The following CD300LG variants were observed in gnomAD, a reference collection of about 807,000 sequenced individuals.
The protein encoded by CD300LG is CD300 molecule like family member g, also known as CMRF35-like molecule 9.
CD300LG carries 29 observed loss-of-function variants against 31.5 expected under a neutral mutation model. That is an observed-to-expected ratio of 0.92 (90% confidence interval 0.68 to 1.25). The LOEUF is 1.25. Ranked by LOEUF, CD300LG falls within the 50% of genes most tolerant of loss-of-function variation. The pLI, the probability that CD300LG is intolerant of heterozygous loss-of-function variation, is 0.00. For missense variants in CD300LG, 396 were observed against 417.6 expected (o/e 0.95, Z 0.45); for synonymous variants, 175 against 177.2 (o/e 0.99, Z 0.10).
rs1660309869 is a variant in CD300LG at position 43,862,073 on chromosome 17, C to A, written c.*162C>A. ...TCTCCTCTTGCATGTTCCAGCCTGACCTAGAAGCGTTTGTCAGCCCTGGAG... is the reference window on the plus strand; with the variant it reads ...TCTCCTCTTGCATGTTCCAGCCTGAACTAGAAGCGTTTGTCAGCCCTGGAG... On this transcript the variant is annotated 3_prime_UTR_variant, in exon 7 of 7. Transcript: ENST00000317310. 7.7e-6 allele frequency: 4 copies of A among 518,912 alleles called. No homozygotes were observed. Among genetic ancestry groups the A allele is most frequent in the Non-Finnish European group, 1.3e-5 (4 of 297,152 alleles). 32.1% of individuals were successfully genotyped at this position (518,912 alleles called of 1,614,324 possible).
chr17:43,850,357 A>G (rs1039308422), intron 2 of CD300LG, among the ~76,000 whole-genome samples: 1 of 152,248 alleles, frequency 6.6e-6, no homozygotes, highest in Non-Finnish European at 1.5e-5. Flanking sequence ...CCAGCACACC[A>G]TTGAGTATGG....
At chr17:43,851,464 G>T (rs1041985706) in intron 2 of CD300LG, among the ~76,000 whole-genome samples, 1 of 152,016 alleles carries the variant, frequency 6.6e-6, no homozygotes, top group Non-Finnish European at 1.5e-5. Flanking sequence ...TTGGATAGGG[G>T]ATACTCAATC....
intron 2 of CD300LG, among the ~76,000 whole-genome samples, chr17:43,852,307 C>T (rs147755910): frequency 8.2e-4 from 124 of 152,116 alleles, no homozygotes; most frequent in African/African-American, 2.8e-3. Context: ...CTCTCCCTCC[C>T]GGGTTCAAGC....
chr17:43,861,166 T>A (rs963190564), intron 6 of CD300LG: 2 of 985,242 alleles, frequency 2.0e-6, no homozygotes, highest in Non-Finnish European at 2.4e-6. Context: ...CAGAGGACGC[T>A]GTGATCAACC....
At position 43,853,386 on chromosome 17, in the gene CD300LG, C is replaced by T. The variant is rs753535928; in HGVS notation, c.481+373C>T. On this transcript the variant is annotated intron_variant, in intron 3 of 6. Coordinates refer to ENST00000317310, the MANE Select transcript of CD300LG (RefSeq NM_145273.4). ...AGGAAGTCAAGGCCTTACTGAGGCA[C>T]GGGTGGTTGGGGAGGGGGCACATGG... 3.9e-5 allele frequency among the ~76,000 whole-genome samples: 6 copies of T among 151,920 alleles called. No homozygotes were observed. The East Asian group carries it at 9.7e-4, about 24-fold the overall frequency.
At chr17:43,847,368 CTCAG>C in intron 1 of CD300LG, 109 bp downstream of exon 1, 1 of 1,154,604 alleles carries the variant, frequency 8.7e-7, no homozygotes, top group Non-Finnish European at 1.2e-6. Context: ...CCTCAGCCTC[CTCAG>C]CCCTAGGGGA....
chr17:43,849,226 G>A (rs2046279446), intron 2 of CD300LG: 6 of 462,220 alleles, frequency 1.3e-5, no homozygotes. Flanking sequence ...ACATATCAGG[G>A]GATAAAGAAG....
chr17:43,851,140 A>G (rs975248467), intron 2 of CD300LG, among the ~76,000 whole-genome samples: 2 of 150,104 alleles, frequency 1.3e-5, no homozygotes, highest in African/African-American at 4.9e-5. Flanking sequence ...TCTCAAAAAA[A>G]AAAAAAAAAA....
At chr17:43,861,681 G>A (rs556640937) in intron 6 of CD300LG, 117 bp from the exon 7 acceptor site, 15 of 607,334 alleles carry the variant, frequency 2.5e-5, no homozygotes, top group African/African-American at 3.8e-5. Flanking sequence ...GATGGACGGA[G>A]GGCTGGAACT....
rs375625524 is a variant in CD300LG, at chr17:43,857,711, G to T, written c.885+555G>T. ...GAGGCCCAGAGAGGGTAAAGGTCTT[G>T]CCCATGGTCACACAGCAGGTGGTGG... On this transcript the variant is annotated intron_variant, in intron 6 of 6. Transcript: ENST00000317310. The T allele has an allele frequency of 2.7e-3, 3,815 of 1,424,370 alleles. 4 individuals are homozygous for T. The highest frequency in any genetic ancestry group is 3.5e-3 in the Non-Finnish European group (3,621 of 1,043,912). 88.2% of individuals were successfully genotyped at this position (1,424,370 alleles called of 1,614,324 possible). A position where few individuals can be genotyped will look rare whatever the true frequency, so the allele number is the denominator to read the frequency against.
chr17:43,856,497 A>C (rs1269125288), intron 5 of CD300LG, among the ~76,000 whole-genome samples: 3 of 152,220 alleles, frequency 2.0e-5, no homozygotes, highest in Non-Finnish European at 4.4e-5. Flanking sequence ...ATAGCTAAGA[A>C]GTGGTGGAGC....
At chr17:43,859,425 A>G (rs2046608074) in intron 6 of CD300LG, among the ~76,000 whole-genome samples, 1 of 152,182 alleles carries the variant, frequency 6.6e-6, no homozygotes, top group Non-Finnish European at 1.5e-5. Flanking sequence ...CCGATCGTCC[A>G]CAGTGGAGGC....
Position 43,848,744 on chromosome 17 carries a change from G to A in CD300LG, c.230G>A (p.Gly77Asp), listed in dbSNP as rs1260928023. The part of the protein sequence containing the change: ...AEEEGQETMK[G>D]RVSIRDSRQE... ...GAAGAAGGCCAGGAGACAATGAAGG[G>A]CAGGGTGTCCATCCGTGACAGCCGC... is the stretch of plus-strand genomic sequence containing the variant. Residue 77 changes from glycine (G) to aspartate (D), a missense_variant, in exon 2 of 7, where the codon GGC becomes GAC. Physicochemically the swap from Gly to Asp is moderately conservative, Grantham distance 94 (BLOSUM62 -1). Coordinates refer to ENST00000317310, the MANE Select transcript of CD300LG (RefSeq NM_145273.4). The A allele has an allele frequency of 6.2e-7, 1 of 1,614,152 alleles. No homozygotes were observed. Among genetic ancestry groups the A allele is most frequent in the Non-Finnish European group, 8.5e-7 (1 of 1,180,038 alleles).
chr17:43,858,294 CGGAT>C, intron 6 of CD300LG: 6 of 1,012,050 alleles, frequency 5.9e-6, no homozygotes, highest in Non-Finnish European at 5.9e-6. Context: ...TGGAGACACA[CGGAT>C]GGATGGACGG....
chr17:43,860,479 C>T (rs1340149570), intron 6 of CD300LG, among the ~76,000 whole-genome samples: 6 of 152,216 alleles, frequency 3.9e-5, no homozygotes, highest in Non-Finnish European at 7.3e-5. Context: ...GGAGCTTGGC[C>T]GGCTCCAGCC....
chr17:43,852,858 A>C, intron 2 of CD300LG, 54 bp from the exon 3 acceptor site: 3 of 1,402,392 alleles, frequency 2.1e-6, no homozygotes, highest in Non-Finnish European at 3.0e-6. Flanking sequence ...CCAAGGAAGG[A>C]AAAGGGGTTC....
At chr17:43,847,400 T>TGGGGGGGGGGGGGGGGGGGGGGGG (rs2046214840) in intron 1 of CD300LG, 141 bp downstream of exon 1, 52 of 325,816 alleles carry the variant, frequency 1.6e-4, no homozygotes, top group East Asian at 7.1e-4. Flanking sequence ...GGGCTGGGGG[T>TGGGGGGGGGGGGGGGGGGGGGGGG]GGGGGGAGGT....
In CD300LG at chr17:43,851,640, ATTTT is replaced by A. The variant is rs60784804; in HGVS notation, c.380-1249_380-1246del. ...ACTGTGCTGGGCACAGAGGACAGGA[ATTTT>A]TTTTTTTTTTTTTTTTTTTTTTGAG... is the stretch of plus-strand genomic sequence containing the variant. On this transcript the variant is annotated intron_variant, in intron 2 of 6. Transcript: ENST00000317310. 2.1e-3 allele frequency among the ~76,000 whole-genome samples: 240 copies of A among 111,852 alleles called. 1 individual carries two copies. The highest frequency in any genetic ancestry group is 7.9e-3 in the African/African-American group (212 of 26,872). 73.4% of individuals were successfully genotyped at this position (111,852 alleles called of 152,430 possible).
At position 43,857,229 on chromosome 17, in the gene CD300LG, C is replaced by T. The variant is rs1347946607; in HGVS notation, c.885+73C>T. On this transcript the variant is annotated intron_variant, in intron 6 of 6. Coordinates refer to ENST00000317310, the MANE Select transcript of CD300LG (RefSeq NM_145273.4). Reference sequence around the variant, plus strand: ...TGGAAGTCAAGATTCCTGGGCTTTGCCTCTGTGACTTCCTACCTGGTCCTC... The same window carrying T: ...TGGAAGTCAAGATTCCTGGGCTTTGTCTCTGTGACTTCCTACCTGGTCCTC... 1.9e-5 allele frequency: 29 copies of T among 1,563,768 alleles called. No individual in the cohort carries two copies. In the Admixed American group the frequency reaches 4.9e-4, roughly 27 times the overall value.
Sources: gnomAD v4.1 joint callset for allele counts (sites outside exome capture counted in the v4.1 genomes callset) on GRCh38, gnomAD v4.1.1 for gene constraint, MANE v1.5 for transcripts, NCBI Gene and HGNC (gene_info 2026-07-23, HGNC 2026-07-21) for gene names.